Variants in MAP3K20 observed in about 807,000 individuals in gnomAD.
MAP3K20 encodes the protein HCCS-4.
MAP3K20 carries 40 observed loss-of-function variants against 85.7 expected under a neutral mutation model. The ratio of observed to expected loss-of-function variants is 0.47; its 90% confidence interval spans 0.36 to 0.61. The LOEUF (loss-of-function observed/expected upper bound fraction) is 0.61, where lower values mean the gene tolerates loss of function less well. Among genes scored for constraint, MAP3K20 ranks in the 20% least tolerant of loss-of-function variants. MAP3K20 has a pLI of 0.00. For synonymous variants in MAP3K20, 325 were observed against 327.7 expected, an observed-to-expected ratio of 0.99 and a Z score of 0.09; for missense variants, 817 against 961.7, an observed-to-expected ratio of 0.85 and a Z score of 1.99.
intron 2 of MAP3K20, among the ~76,000 whole-genome samples, chr2:173,168,045 ATTCT>A (rs1382230401): frequency 6.6e-6 from 1 of 151,778 alleles, no homozygotes; most frequent in Admixed American, 6.6e-5. Context: ...CTGCACATAC[ATTCT>A]ATTTTTACAA....
At chr2:173,187,509 G>A (rs781075192) in intron 4 of MAP3K20, 49 bp from the exon 5 acceptor site, 5 of 1,485,392 alleles carry the variant, frequency 3.4e-6, no homozygotes, top group South Asian at 1.2e-5. Context: ...TAATACTGAT[G>A]TAATGTTGAA....
At chr2:173,164,658 G>A (rs1455978445) in intron 2 of MAP3K20, among the ~76,000 whole-genome samples, 1 of 152,162 alleles carries the variant, frequency 6.6e-6, no homozygotes, top group African/African-American at 2.4e-5. Flanking sequence ...TAAAATTTGG[G>A]ATTAGGTTGA....
chr2:173,112,604 G>T (rs1420547222), intron 2 of MAP3K20, among the ~76,000 whole-genome samples: 5 of 151,856 alleles, frequency 3.3e-5, no homozygotes, highest in Non-Finnish European at 5.9e-5. Flanking sequence ...GCTGATTTTT[G>T]CTGAGAGTTT....
At chr2:173,145,995 G>A (rs573284477) in intron 2 of MAP3K20, among the ~76,000 whole-genome samples, 3 of 152,162 alleles carry the variant, frequency 2.0e-5, no homozygotes, top group Non-Finnish European at 2.9e-5. Context: ...TTCCACTCAC[G>A]TGAAGTTCAA....
In MAP3K20 at chr2:173,215,377, T is replaced by G. The variant is rs189511220; in HGVS notation, c.852-1738T>G. ...AAAATTTACCCTAAGGTTTTTCACG[T>G]TTTTTTCCCCTCAGTCCTCCATTGA... is the stretch of plus-strand genomic sequence containing the variant. On this transcript the variant is annotated intron_variant, in intron 10 of 19. Transcript: ENST00000375213. 2.0e-5 allele frequency among the ~76,000 whole-genome samples: 3 copies of G among 152,086 alleles called. No individual in the cohort carries two copies. In the East Asian group the frequency reaches 5.8e-4, roughly 29 times the overall value.
chr2:173,203,507 C>T (rs971642781), intron 8 of MAP3K20, among the ~76,000 whole-genome samples: 2 of 151,956 alleles, frequency 1.3e-5, no homozygotes, highest in Admixed American at 1.3e-4. Flanking sequence ...TCCGACTTGC[C>T]CCCTCCTACT....
At chr2:173,117,380 G>A (rs1688155756) in intron 2 of MAP3K20, among the ~76,000 whole-genome samples, 1 of 152,062 alleles carries the variant, frequency 6.6e-6, no homozygotes, top group Non-Finnish European at 1.5e-5. Flanking sequence ...CTGGGTTCAT[G>A]AGATCTGGCT....
intron 2 of MAP3K20, among the ~76,000 whole-genome samples, chr2:173,158,638 A>G (rs1427115040): frequency 1.3e-5 from 2 of 152,236 alleles, no homozygotes. Context: ...TGGAAGACAT[A>G]GGAATTTACT....
At chr2:173,246,941 A>ATTTCCTATT (rs1249977782) in intron 16 of MAP3K20, among the ~76,000 whole-genome samples, 4 of 152,144 alleles carry the variant, frequency 2.6e-5, no homozygotes, top group African/African-American at 9.7e-5. Context: ...ATCACTTCCA[A>ATTTCCTATT]TTTCCTATTT....
At chr2:173,159,840 A>T (rs1393246460) in intron 2 of MAP3K20, among the ~76,000 whole-genome samples, 1 of 152,224 alleles carries the variant, frequency 6.6e-6, no homozygotes, top group Non-Finnish European at 1.5e-5. Flanking sequence ...CTATCCTGCC[A>T]GGTGAGTCTG....
chr2:173,221,345 G>A lies in MAP3K20; in HGVS notation c.987+4095G>A, dbSNP rs199771129. 4.3e-6 allele frequency: 7 copies of A among 1,614,012 alleles called. No individual in the cohort carries two copies. The East Asian group carries it at 1.6e-4, about 36-fold the overall frequency. The stretch of plus-strand genomic sequence containing the variant: ...CTTCTCAATGAACAAAGCAGGAGCT[G>A]TGATGCATTCTGGGATGCAGATAAA... On this transcript the variant is annotated intron_variant, in intron 11 of 19. Coordinates refer to ENST00000375213, the MANE Select transcript of MAP3K20 (RefSeq NM_016653.3).
intron 8 of MAP3K20, among the ~76,000 whole-genome samples, chr2:173,199,743 T>C (rs543713373): frequency 6.6e-6 from 1 of 152,002 alleles, no homozygotes; most frequent in East Asian, 1.9e-4. Context: ...ACAGAATAAT[T>C]AATATTTTTA....
chr2:173,214,121 C>CTGAA (rs1683997570), intron 10 of MAP3K20, among the ~76,000 whole-genome samples: 1 of 152,208 alleles, frequency 6.6e-6, no homozygotes, highest in Non-Finnish European at 1.5e-5. Flanking sequence ...TTTTAGAAAA[C>CTGAA]TGAATGGTTA....
chr2:173,242,981 A>T lies in MAP3K20; in HGVS notation c.1359+3485A>T, dbSNP rs565854042. 7.9e-5 allele frequency among the ~76,000 whole-genome samples: 12 copies of T among 152,284 alleles called. No individual in the cohort carries two copies. In the East Asian group the frequency reaches 2.1e-3, roughly 27 times the overall value. Reference sequence around the variant, plus strand: ...CGACCTCCCAAAGTGCTGGGATTACAGGCGTGAGCCACCGCGCCCAGCCCA... The same window carrying T: ...CGACCTCCCAAAGTGCTGGGATTACTGGCGTGAGCCACCGCGCCCAGCCCA... On this transcript the variant is annotated intron_variant, in intron 16 of 19. Transcript: ENST00000375213.
intron 16 of MAP3K20, among the ~76,000 whole-genome samples, chr2:173,241,611 T>A (rs1354705833): frequency 6.6e-6 from 1 of 151,754 alleles, no homozygotes; most frequent in African/African-American, 2.4e-5. Flanking sequence ...TAAGACATCA[T>A]CTCAAAAAAA....
At chr2:173,082,845 T>G (rs1440870466) in intron 1 of MAP3K20, among the ~76,000 whole-genome samples, 1 of 152,264 alleles carries the variant, frequency 6.6e-6, no homozygotes, top group African/African-American at 2.4e-5. Flanking sequence ...CTTGTTGGGC[T>G]TCTGTTTGAG....
chr2:173,174,972 A>T (rs1021528854), intron 3 of MAP3K20, among the ~76,000 whole-genome samples: 2 of 152,186 alleles, frequency 1.3e-5, no homozygotes, highest in Non-Finnish European at 2.9e-5. Flanking sequence ...GTCATAACTG[A>T]CAGCTTTTCA....
intron 2 of MAP3K20, among the ~76,000 whole-genome samples, chr2:173,095,884 T>G (rs950169087): frequency 3.0e-4 from 46 of 152,212 alleles, no homozygotes; most frequent in Non-Finnish European, 3.1e-4. Flanking sequence ...GCTTTTATTT[T>G]TCTTATACTG....
At chr2:173,205,436 CTATGTTAG>C (rs775183554) in intron 9 of MAP3K20, among the ~76,000 whole-genome samples, 1 of 152,100 alleles carries the variant, frequency 6.6e-6, no homozygotes, top group Non-Finnish European at 1.5e-5. Flanking sequence ...AGACTGGGGA[CTATGTTAG>C]TATAACACAG....
Sources: allele counts gnomAD v4.1 joint callset (sites outside exome capture counted in the v4.1 genomes callset), GRCh38; gene constraint gnomAD v4.1.1; transcripts MANE v1.5; gene names NCBI Gene and HGNC (gene_info 2026-07-23, HGNC 2026-07-21).